The following TTYH3 variants were observed in gnomAD, a reference collection of about 807,000 sequenced individuals.
TTYH3 encodes protein tweety homolog 3.
TTYH3 carries 23 observed loss-of-function variants against 68.2 expected under a neutral mutation model. The observed-to-expected ratio is 0.34, with a 90% confidence interval of 0.24 to 0.48. The LOEUF is 0.48. Ranked by LOEUF, TTYH3 falls within the 20% of genes least tolerant of loss-of-function variation. The pLI, the probability that TTYH3 is intolerant of heterozygous loss-of-function variation, is 0.99. For missense variants in TTYH3, 768 were observed against 727.7 expected (o/e 1.06, Z -0.64); for synonymous variants, 360 against 332.8 (o/e 1.08, Z -0.89).
intron 1 of TTYH3, among the ~76,000 whole-genome samples, chr7:2,642,537 CAAAAAAAAAAA>C (rs34165282): frequency 1.7e-5 from 1 of 57,542 alleles, no homozygotes; most frequent in Non-Finnish European, 3.4e-5. Context: ...GACTCTGTCT[CAAAAAAAAAAA>C]AAAAAAAAAA....
chr7:2,641,224 G>A (rs1583558731), intron 1 of TTYH3, among the ~76,000 whole-genome samples: 1 of 152,244 alleles, frequency 6.6e-6, no homozygotes, highest in Non-Finnish European at 1.5e-5. Flanking sequence ...ATCTGGGACA[G>A]AGTAAGGCTT....
At chr7:2,646,425 T>C (rs10950811) in intron 1 of TTYH3, among the ~76,000 whole-genome samples, 81,870 of 152,130 alleles carry the variant, frequency 0.54, 22,306 homozygotes, top group East Asian at 0.68. Flanking sequence ...TCCTCGTTTG[T>C]CACCCACATT....
At chr7:2,638,417 G>C (rs1163629545) in intron 1 of TTYH3, among the ~76,000 whole-genome samples, 7 of 152,138 alleles carry the variant, frequency 4.6e-5, no homozygotes, top group Admixed American at 4.6e-4. Context: ...TGCAGGAAAG[G>C]GGCCCGGCCT....
rs1785967434 is a variant in TTYH3, at chr7:2,645,937, T to C, written c.124-916T>C. On this transcript the variant is annotated intron_variant, in intron 1 of 13. Coordinates refer to ENST00000258796, the MANE Select transcript of TTYH3 (RefSeq NM_025250.3). The surrounding 1 kb of genome is among the most constrained non-coding windows in gnomAD (Gnocchi z 4.8). ...GGGACGGGCTCTGGGGTCCTGGGGC[T>C]GTCTCGGGCTGGGGGTGAGGACAGT... 2.2e-6 allele frequency: 1 copy of C among 449,760 alleles called. No individual in the cohort carries two copies. The highest frequency in any genetic ancestry group is 2.5e-5 in the Admixed American group (1 of 40,772). The allele number at this position is 449,760 out of a possible 1,614,324, so 27.9% of individuals were successfully genotyped here. A position where few individuals can be genotyped will look rare whatever the true frequency, so the allele number is the denominator to read the frequency against.
Position 2,650,008 on chromosome 7 carries a change from C to T in TTYH3, c.871+20C>T, listed in dbSNP as rs200794568. ...GTGGGGGTGAGTCTGTGTCCACGGCCGTGTCCCAGCGGGTTCCCCAGGGTT... is the reference window on the plus strand; with the variant it reads ...GTGGGGGTGAGTCTGTGTCCACGGCTGTGTCCCAGCGGGTTCCCCAGGGTT... On this transcript the variant is annotated intron_variant, in intron 7 of 13. Transcript: ENST00000258796. 3.0e-4 allele frequency: 485 copies of T among 1,613,470 alleles called. No homozygotes were observed. The highest frequency in any genetic ancestry group is 8.3e-4 in the Middle Eastern group (5 of 6,032).
chr7:2,652,261 G>A lies in TTYH3; in HGVS notation c.927+19G>A, dbSNP rs761273465. On this transcript the variant is annotated intron_variant, in intron 8 of 13. Coordinates refer to ENST00000258796, the MANE Select transcript of TTYH3 (RefSeq NM_025250.3). The stretch of plus-strand genomic sequence containing the variant: ...CCAGCAGGTGAGAGCCTGGGAGGCC[G>A]GGACTGGGCTTCAGGAGAGTCTGAA... 32 of 1,608,782 alleles carry A rather than the reference G, an allele frequency of 2.0e-5. No homozygotes were observed. The highest frequency in any genetic ancestry group is 4.0e-5 in the African/African-American group (3 of 74,906).
At position 2,658,399 on chromosome 7, in the gene TTYH3, G is replaced by A. The variant is rs761353371; in HGVS notation, c.1364G>A (p.Ser455Asn). ...SLYSCGSSYGSETSIPAAAHT... is the reference protein window; with the variant it reads ...SLYSCGSSYGNETSIPAAAHT... Reference sequence around the variant, plus strand: ...TACAGCTGTGGCAGCAGCTACGGCAGTGAGACCAGCATCCCGGCCGCGGCC... The same window carrying A: ...TACAGCTGTGGCAGCAGCTACGGCAATGAGACCAGCATCCCGGCCGCGGCC... Residue 455 changes from serine to asparagine, a missense_variant, in exon 12 of 14, where the codon AGT (serine) becomes AAT (asparagine). Coordinates refer to ENST00000258796, the MANE Select transcript of TTYH3 (RefSeq NM_025250.3). The A allele has an allele frequency of 6.2e-7, 1 of 1,612,328 alleles. No individual in the cohort carries two copies.
At chr7:2,647,820 C>T (rs1390367922) in intron 4 of TTYH3, 139 bp from the exon 5 acceptor site, 16 of 1,111,224 alleles carry the variant, frequency 1.4e-5, no homozygotes, top group East Asian at 2.6e-5. Flanking sequence ...GAACTGACAC[C>T]AGTCCCCATG....
At position 2,658,984 on chromosome 7, in the gene TTYH3, C is replaced by T; in HGVS notation, c.1469C>T (p.Pro490Leu). The T allele has an allele frequency of 6.2e-7, 1 of 1,614,074 alleles. No individual in the cohort carries two copies. Among genetic ancestry groups the T allele is most frequent in the Non-Finnish European group, 8.5e-7 (1 of 1,179,946 alleles). ...NFQNPRCENT[P>L]LIGRESPPPS... ...CAGAACCCCCGCTGTGAGAACACCCCACTCATTGGGCGCGAGTCCCCGCCG... is the reference window on the plus strand; with the variant it reads ...CAGAACCCCCGCTGTGAGAACACCCTACTCATTGGGCGCGAGTCCCCGCCG... The change falls in exon 13 of 14, where the codon CCA (proline) becomes CTA (leucine). Residue 490 changes from proline to leucine, a missense_variant. Transcript: ENST00000258796.
At chr7:2,633,632 T>C (rs1327063960) in intron 1 of TTYH3, among the ~76,000 whole-genome samples, 1 of 152,224 alleles carries the variant, frequency 6.6e-6, no homozygotes, top group East Asian at 1.9e-4. Flanking sequence ...CTTCTGGAAC[T>C]TATTCCATGC....
At chr7:2,639,249 C>T (rs1785764167) in intron 1 of TTYH3, among the ~76,000 whole-genome samples, 1 of 152,334 alleles carries the variant, frequency 6.6e-6, no homozygotes, top group Admixed American at 6.5e-5. Context: ...GTGCTGCTGC[C>T]ATACGCACAG....
intron 11 of TTYH3, among the ~76,000 whole-genome samples, chr7:2,657,385 G>A (rs375286652): frequency 6.8e-6 from 1 of 147,900 alleles, no homozygotes; most frequent in East Asian, 2.0e-4. Context: ...TGATGGTGAT[G>A]ATGGTGATGA....
intron 11 of TTYH3, among the ~76,000 whole-genome samples, chr7:2,657,606 A>G (rs759374579): frequency 2.0e-4 from 31 of 152,200 alleles, no homozygotes; most frequent in Admixed American, 8.5e-4. Flanking sequence ...TGCTTATTGT[A>G]TGATGTGGGC....
At chr7:2,640,172 TGGG>T (rs1388560465) in intron 1 of TTYH3, among the ~76,000 whole-genome samples, 82 of 152,240 alleles carry the variant, frequency 5.4e-4, no homozygotes, top group South Asian at 2.7e-3. Flanking sequence ...GGCAGGGTGG[TGGG>T]ATCGTGGCCA....
chr7:2,648,109 G>A, intron 5 of TTYH3, 55 bp downstream of exon 5: 2 of 1,532,620 alleles, frequency 1.3e-6, no homozygotes, highest in Non-Finnish European at 1.8e-6. Flanking sequence ...GCAGGGCAAG[G>A]CACCATGTTA....
intron 7 of TTYH3, among the ~76,000 whole-genome samples, 196 bp from the exon 8 acceptor site, chr7:2,651,991 G>T (rs1562715913): frequency 6.6e-6 from 1 of 152,172 alleles, no homozygotes; most frequent in African/African-American, 2.4e-5. Context: ...CACGAAACGT[G>T]CACAGAGACA....
In TTYH3 at chr7:2,661,767, G is replaced by A. The variant is rs776524436; in HGVS notation, c.*28G>A. ...CGCGCCCGGCAGCCACCCACCCCAC[G>A]TGCCAACTTCCCCTCCCCGTGCCAG... On this transcript the variant is annotated 3_prime_UTR_variant, in exon 14 of 14. Transcript: ENST00000258796. The A allele has an allele frequency of 6.3e-6, 10 of 1,598,618 alleles. No homozygotes were observed. The highest frequency in any genetic ancestry group is 1.7e-4 in the Middle Eastern group (1 of 6,042).
At position 2,649,969 on chromosome 7, in the gene TTYH3, G is replaced by A. The variant is rs777264027; in HGVS notation, c.852G>A (p.Glu284=). 2 of 1,614,032 alleles carry A rather than the reference G, an allele frequency of 1.2e-6. No individual in the cohort carries two copies. The highest frequency in any genetic ancestry group is 1.7e-6 in the Non-Finnish European group (2 of 1,179,960). ...PDAYVTKMVE[E]YSVLSGDILQ... ...CCTACGTGACCAAAATGGTGGAGGAGTACTCGGTGCTGAGTGGGGGTGAGT... is the reference window on the plus strand; with the variant it reads ...CCTACGTGACCAAAATGGTGGAGGAATACTCGGTGCTGAGTGGGGGTGAGT... Residue 284 remains glutamate, a synonymous_variant, in exon 7 of 14, where the codon GAG becomes GAA. Coordinates refer to ENST00000258796, the MANE Select transcript of TTYH3 (RefSeq NM_025250.3).
chr7:2,646,404 C>A (rs1474991099), intron 1 of TTYH3, among the ~76,000 whole-genome samples: 1 of 152,248 alleles, frequency 6.6e-6, no homozygotes, highest in Non-Finnish European at 1.5e-5. Context: ...GATGGTGGCT[C>A]ACCAGCAGCG....
Sources: allele counts gnomAD v4.1 joint callset (sites outside exome capture counted in the v4.1 genomes callset), GRCh38; gene constraint gnomAD v4.1.1; non-coding constraint Gnocchi (gnomAD v3.1); transcripts MANE v1.5; gene names NCBI Gene and HGNC (gene_info 2026-07-23, HGNC 2026-07-21).